SRP54: variants seen among roughly 807,000 people sequenced by gnomAD.
SRP54 encodes signal recognition particle subunit SRP54.
SRP54 carries 10 observed loss-of-function variants against 64.8 expected under a neutral mutation model. That is an observed-to-expected ratio of 0.15 (90% CI 0.10 to 0.26). SRP54 has a LOEUF of 0.26. SRP54 is among the 10% of genes least tolerant of loss of function. The pLI is 1.00. For missense variants in SRP54, 325 were observed against 613.7 expected (o/e 0.53, Z 4.97); for synonymous variants, 193 against 185.6 (o/e 1.04, Z -0.32).
At chr14:34,987,961 C>T (rs1302866684) in intron 1 of SRP54, among the ~76,000 whole-genome samples, 3 of 152,170 alleles carry the variant, frequency 2.0e-5, no homozygotes, top group African/African-American at 2.4e-5. Context: ...CCTCTTTACT[C>T]CCCGCCAAAA....
At chr14:34,997,993 G>A (rs117732497) in intron 2 of SRP54, among the ~76,000 whole-genome samples, 1,769 of 152,176 alleles carry the variant, frequency 0.012, 17 homozygotes, top group Non-Finnish European at 0.018. Context: ...TAGAGTAACA[G>A]CTGTTGCTTA....
At chr14:34,995,157 G>GTGTGTGTA (rs1555353252) in intron 1 of SRP54, among the ~76,000 whole-genome samples, 4 of 140,236 alleles carry the variant, frequency 2.9e-5, no homozygotes, top group African/African-American at 1.0e-4. Flanking sequence ...GTGTGTGTGT[G>GTGTGTGTA]TGTGTGTGTG....
chr14:34,996,020 A>G (rs2044066948), intron 1 of SRP54, among the ~76,000 whole-genome samples: 1 of 150,854 alleles, frequency 6.6e-6, no homozygotes, highest in Non-Finnish European at 1.5e-5. Context: ...AGCTGTGATC[A>G]CACCACTGCA....
intron 1 of SRP54, among the ~76,000 whole-genome samples, chr14:34,992,766 A>C (rs1052245915): frequency 3.9e-5 from 6 of 152,146 alleles, no homozygotes; most frequent in Admixed American, 6.6e-5. Context: ...ACAAACATAC[A>C]CATGTACCCT....
chr14:35,013,795 T>A lies in SRP54; in HGVS notation c.786-7T>A, dbSNP rs758291577. The stretch of plus-strand genomic sequence containing the variant: ...GAGGTTATTTTATATTTTCTTTTTT[T>A]TTCCAGAGTCGCTGCCACAAAAAGT... On this transcript the variant is annotated splice_region_variant and splice_polypyrimidine_tract_variant and intron_variant, in intron 9 of 15. Transcript: ENST00000216774. 4 of 1,599,272 alleles carry A rather than the reference T, an allele frequency of 2.5e-6. No homozygotes were observed. Among genetic ancestry groups the A allele is most frequent in the Non-Finnish European group, 8.5e-7 (1 of 1,175,348 alleles).
At chr14:35,027,966 G>A (rs535847463) in intron 14 of SRP54, 122 bp from the exon 15 acceptor site, 1 of 503,568 alleles carries the variant, frequency 2.0e-6, no homozygotes, top group South Asian at 4.2e-5. Flanking sequence ...ATGTTAGAGT[G>A]ATAGGATTAT....
At chr14:35,020,388 A>G (rs1372326974) in intron 13 of SRP54, among the ~76,000 whole-genome samples, 1 of 151,674 alleles carries the variant, frequency 6.6e-6, no homozygotes. Flanking sequence ...CCATTGATTG[A>G]CTCTTCTTTT....
chr14:34,997,601 C>G (rs1402770769), intron 2 of SRP54, among the ~76,000 whole-genome samples: 1 of 152,132 alleles, frequency 6.6e-6, no homozygotes, highest in Admixed American at 6.6e-5. Flanking sequence ...AATAAACTTT[C>G]TAACTTGGAG....
intron 1 of SRP54, among the ~76,000 whole-genome samples, chr14:34,987,597 C>T (rs1292633699): frequency 6.6e-6 from 1 of 152,040 alleles, no homozygotes; most frequent in African/African-American, 2.4e-5. Flanking sequence ...CATGTTGTGG[C>T]ATATGTTCAG....
rs1023454055 is a variant in SRP54, at chr14:34,986,025, G to A, written c.-34+2810G>A. 2.6e-5 allele frequency among the ~76,000 whole-genome samples: 4 copies of A among 152,040 alleles called. No homozygotes were observed. The East Asian group carries it at 5.8e-4, about 22-fold the overall frequency. ...TTTCGTTTTAATTTTCTTCTTGGTA[G>A]CATTTTATGTAAAGATTCTTTTTAT... is the stretch of plus-strand genomic sequence containing the variant. On this transcript the variant is annotated intron_variant, in intron 1 of 15. Transcript: ENST00000216774.
At chr14:35,013,092 C>T (rs1303172045) in intron 8 of SRP54, among the ~76,000 whole-genome samples, 3 of 151,768 alleles carry the variant, frequency 2.0e-5, no homozygotes, top group Admixed American at 6.6e-5. Context: ...TACAGGCACT[C>T]GCCACCATGC....
chr14:34,983,738 C>T (rs1473039847), intron 1 of SRP54, among the ~76,000 whole-genome samples: 1 of 152,198 alleles, frequency 6.6e-6, no homozygotes, highest in African/African-American at 2.4e-5. Context: ...CTATCCTCAC[C>T]TGATTCTTTC....
chr14:35,010,835 C>T (rs189019547), intron 7 of SRP54, among the ~76,000 whole-genome samples: 5 of 151,922 alleles, frequency 3.3e-5, no homozygotes, highest in East Asian at 3.9e-4. Flanking sequence ...AATAGTAGGG[C>T]GTTATTTAAT....
At chr14:35,007,616 T>G (rs45563333) in intron 5 of SRP54, among the ~76,000 whole-genome samples, 10,236 of 130,514 alleles carry the variant, frequency 0.078, 634 homozygotes, top group Non-Finnish European at 0.11. Flanking sequence ...ACATAAAATA[T>G]ATTTTATTAA....
intron 2 of SRP54, among the ~76,000 whole-genome samples, chr14:34,998,585 G>A (rs1245953689): frequency 2.0e-5 from 3 of 152,202 alleles, no homozygotes; most frequent in East Asian, 1.9e-4. Flanking sequence ...GCTGAGGCGG[G>A]CGGATCACCT....
At chr14:35,026,186 ATTGTTGTTGTTTATTTTTTGTTG>A (rs2044620059) in intron 14 of SRP54, among the ~76,000 whole-genome samples, 1 of 65,838 alleles carries the variant, frequency 1.5e-5, no homozygotes, top group Non-Finnish European at 3.5e-5. Flanking sequence ...TTTTTTATTT[ATTGTTGTTGTTTATTTTTTGTTG>A]TTTTTTGTTT....
chr14:35,026,958 CA>C (rs940765451), intron 14 of SRP54, among the ~76,000 whole-genome samples: 1 of 150,008 alleles, frequency 6.7e-6, no homozygotes. Flanking sequence ...CAAAACAAAA[CA>C]AAAAAAACTT....
Position 35,008,765 on chromosome 14 carries a change from A to G in SRP54, c.428-9A>G, listed in dbSNP as rs1566650187. 1 of 1,608,254 alleles carries G rather than the reference A, an allele frequency of 6.2e-7. No individual in the cohort carries two copies. Among genetic ancestry groups the G allele is most frequent in the Non-Finnish European group, 8.5e-7 (1 of 1,178,442 alleles). On this transcript the variant is annotated splice_polypyrimidine_tract_variant and intron_variant, in intron 6 of 15. Coordinates refer to ENST00000216774, the MANE Select transcript of SRP54 (RefSeq NM_003136.4). ...AAGTTTGAGGATTCATGAACTCTTTATCTTCCAGGGGCTTTTGACCAACTA... is the reference window on the plus strand; with the variant it reads ...AAGTTTGAGGATTCATGAACTCTTTGTCTTCCAGGGGCTTTTGACCAACTA...
chr14:35,003,253 A>G (rs2044205454), intron 4 of SRP54, among the ~76,000 whole-genome samples: 1 of 152,156 alleles, frequency 6.6e-6, no homozygotes, highest in African/African-American at 2.4e-5. Flanking sequence ...TATTTTCATA[A>G]TACTAAGACA....
Sources: gnomAD v4.1 joint callset for allele counts (sites outside exome capture counted in the v4.1 genomes callset) on GRCh38, gnomAD v4.1.1 for gene constraint, MANE v1.5 for transcripts, NCBI Gene and HGNC (gene_info 2026-07-23, HGNC 2026-07-21) for gene names.